The following DPP6 variants were observed in gnomAD, a reference collection of about 807,000 sequenced individuals.
The protein encoded by DPP6 is A-type potassium channel modulatory protein DPP6.
In DPP6, 69 loss-of-function variants were observed where a neutral mutation model predicts 122.6. That is an observed-to-expected ratio of 0.56 (90% confidence interval 0.46 to 0.69). The LOEUF (loss-of-function observed/expected upper bound fraction) is 0.69. DPP6 is among the 30% of genes least tolerant of loss of function. The pLI is 0.00. For synonymous variants in DPP6, 418 were observed against 433.1 expected, an observed-to-expected ratio of 0.97 and a Z score of 0.43; for missense variants, 928 against 1,116.9, an observed-to-expected ratio of 0.83 and a Z score of 2.41.
At chr7:154,638,318 T>C (rs986006281) in intron 6 of DPP6, among the ~76,000 whole-genome samples, 1 of 152,200 alleles carries the variant, frequency 6.6e-6, no homozygotes, top group Non-Finnish European at 1.5e-5. Context: ...ATCTGGAACA[T>C]ATCTATGGGA....
intron 1 of DPP6, among the ~76,000 whole-genome samples, chr7:154,202,684 C>CCGGGGCCACTGGGCCCTGTTAGTT (rs879796209): frequency 2.0e-5 from 3 of 152,178 alleles, no homozygotes; most frequent in Non-Finnish European, 4.4e-5. Flanking sequence ...CTACTACAGG[C>CCGGGGCCACTGGGCCCTGTTAGTT]CGGGGCCACT....
At chr7:154,575,442 G>GTGTGTGTGTGTGTGTGTGATA (rs1554590149) in intron 5 of DPP6, among the ~76,000 whole-genome samples, 3 of 104,742 alleles carry the variant, frequency 2.9e-5, no homozygotes, top group Non-Finnish European at 5.4e-5. Flanking sequence ...TATGTGTGTG[G>GTGTGTGTGTGTGTGTGTGATA]TGTGTGTATG....
intron 1 of DPP6, among the ~76,000 whole-genome samples, chr7:153,924,813 G>A (rs1419790574): frequency 2.6e-5 from 4 of 152,238 alleles, no homozygotes; most frequent in African/African-American, 9.6e-5. Context: ...ATGGCTTAGA[G>A]CAGCAGCCCA....
chr7:154,079,164 C>T (rs1371914405), intron 1 of DPP6, among the ~76,000 whole-genome samples: 2 of 152,114 alleles, frequency 1.3e-5, no homozygotes, highest in African/African-American at 4.8e-5. Flanking sequence ...CACTGTACTC[C>T]ATCCTGGGGG....
chr7:154,547,224 C>A (rs945988408), intron 4 of DPP6, among the ~76,000 whole-genome samples: 2 of 152,228 alleles, frequency 1.3e-5, no homozygotes, highest in Non-Finnish European at 2.9e-5. Context: ...CATGAGCCAT[C>A]TCTAATCTGA....
chr7:154,742,343 G>C (rs1288504386), intron 8 of DPP6, among the ~76,000 whole-genome samples: 1 of 152,224 alleles, frequency 6.6e-6, no homozygotes. Flanking sequence ...CTGCAAGATG[G>C]TATTGAACCA....
chr7:153,935,168 G>T (rs1426136999), intron 1 of DPP6, among the ~76,000 whole-genome samples: 3 of 152,090 alleles, frequency 2.0e-5, no homozygotes, highest in African/African-American at 4.8e-5. Context: ...CTCACTTGCT[G>T]GGCTCTGCGG....
At chr7:154,512,579 C>T (rs930097093) in intron 3 of DPP6, among the ~76,000 whole-genome samples, 2 of 152,092 alleles carry the variant, frequency 1.3e-5, no homozygotes, top group African/African-American at 2.4e-5. Flanking sequence ...GGGATGTCTT[C>T]GATGGGGAGG....
intron 1 of DPP6, among the ~76,000 whole-genome samples, chr7:153,989,939 C>T (rs1415269303): frequency 4.6e-5 from 6 of 131,004 alleles, no homozygotes; most frequent in African/African-American, 1.8e-4. Context: ...GCCAGCCCCG[C>T]CCCCAGCAAG....
In DPP6 at chr7:154,760,778, A is replaced by G. The variant is rs1426583131; in HGVS notation, c.884-8639A>G. Among the ~76,000 whole-genome samples, 2 of 152,136 alleles carry G rather than the reference A, an allele frequency of 1.3e-5. No individual in the cohort carries two copies. The highest frequency in any genetic ancestry group is 4.8e-5 in the African/African-American group (2 of 41,430). ...CAAATGAAGAGGAAAGAGAGAAGAC[A>G]AAACAAAAAGAAGGGTAAAGGAGCC... On this transcript the variant is annotated intron_variant, in intron 8 of 25. Coordinates refer to ENST00000377770, the MANE Select transcript of DPP6 (RefSeq NM_130797.4). This position sits in a 1 kb window ranked among gnomAD's most constrained non-coding sequence, Gnocchi z 4.5.
intron 7 of DPP6, among the ~76,000 whole-genome samples, chr7:154,682,906 A>G (rs1287509558): frequency 8.1e-6 from 1 of 124,194 alleles, no homozygotes; most frequent in East Asian, 2.7e-4. Context: ...GTCAATTTCA[A>G]TGACAGACCA....
At chr7:154,610,705 CTCTGTGTGTGTGTG>C (rs1162692281) in intron 5 of DPP6, among the ~76,000 whole-genome samples, 3 of 140,610 alleles carry the variant, frequency 2.1e-5, no homozygotes, top group Admixed American at 7.4e-5. Flanking sequence ...CTGTGTTGTT[CTCTGTGTGTGTGTG>C]TGTGTGTGTG....
chr7:154,381,561 G>T (rs1490493366), intron 1 of DPP6, among the ~76,000 whole-genome samples: 1 of 152,164 alleles, frequency 6.6e-6, no homozygotes, highest in Non-Finnish European at 1.5e-5. Flanking sequence ...CTCACACTTT[G>T]ATGTTTACTA....
intron 1 of DPP6, among the ~76,000 whole-genome samples, chr7:154,296,366 G>A (rs1805545791): frequency 6.6e-6 from 1 of 152,100 alleles, no homozygotes; most frequent in African/African-American, 2.4e-5. Flanking sequence ...CTTAAGATAG[G>A]ACCAAAAGAC....
intron 1 of DPP6, among the ~76,000 whole-genome samples, chr7:154,410,239 G>A (rs571577786): frequency 6.6e-6 from 1 of 152,324 alleles, no homozygotes; most frequent in East Asian, 1.9e-4. Flanking sequence ...CAGTTCAAGA[G>A]AAAATGTGCT....
At chr7:154,363,295 C>T (rs1811889291) in intron 1 of DPP6, among the ~76,000 whole-genome samples, 1 of 152,174 alleles carries the variant, frequency 6.6e-6, no homozygotes, top group Non-Finnish European at 1.5e-5. Flanking sequence ...GCTCAATGTT[C>T]CAGAAGTGCT....
intron 7 of DPP6, among the ~76,000 whole-genome samples, chr7:154,682,789 G>C (rs940651930): frequency 2.0e-4 from 30 of 152,176 alleles, no homozygotes; most frequent in African/African-American, 7.2e-4. Context: ...TTTGACGTGG[G>C]TATTTGCACA....
chr7:153,768,102 A>C, the DPP6 span, among the ~76,000 whole-genome samples: 1 of 151,960 alleles, frequency 6.6e-6, no homozygotes, highest in African/African-American at 2.4e-5. Context: ...TAAGCTAGAA[A>C]GTTAGTTCAT....
chr7:153,800,286 C>T, the DPP6 span, among the ~76,000 whole-genome samples: 1 of 152,102 alleles, frequency 6.6e-6, no homozygotes, highest in African/African-American at 2.4e-5. Flanking sequence ...ACACATGGAA[C>T]TATAGGTTGT....
Sources: gnomAD v4.1 joint callset for allele counts (sites outside exome capture counted in the v4.1 genomes callset) on GRCh38, gnomAD v4.1.1 for gene constraint, Gnocchi (gnomAD v3.1) non-coding constraint, MANE v1.5 for transcripts, NCBI Gene and HGNC (gene_info 2026-07-23, HGNC 2026-07-21) for gene names.